Variants in PARD3B observed in about 807,000 individuals in gnomAD.
PARD3B encodes par-3 family cell polarity regulator beta, also known as partitioning defective 3 homolog B.
PARD3B carries 103 observed loss-of-function variants against 130.2 expected under a neutral mutation model. That is an observed-to-expected ratio of 0.79 (90% CI 0.67 to 0.93). PARD3B has a LOEUF of 0.93. PARD3B is among the 40% of genes least tolerant of loss of function. The pLI is 0.00. For synonymous variants in PARD3B, 583 were observed against 553.2 expected (o/e 1.05, Z -0.76); for missense variants, 1,609 against 1,499.2 (o/e 1.07, Z -1.21).
intron 19 of PARD3B, among the ~76,000 whole-genome samples, chr2:205,439,507 C>T (rs1339143251): frequency 6.6e-6 from 1 of 152,308 alleles, no homozygotes; most frequent in East Asian, 1.9e-4. Flanking sequence ...TTTAGTAGAG[C>T]TGATTTAACA....
intron 2 of PARD3B, among the ~76,000 whole-genome samples, chr2:204,766,807 CA>C (rs57504030): frequency 0.59 from 84,121 of 141,716 alleles, 27,259 homozygotes; most frequent in South Asian, 0.73. Context: ...TTTTGTAAAT[CA>C]AAAAAAAAAA....
Position 204,686,273 on chromosome 2 carries a change from T to C in PARD3B, c.213T>C (p.Asp71=). The change falls in exon 2 of 23, where the codon GAT becomes GAC. Residue 71 remains aspartate, a synonymous_variant. Transcript: ENST00000406610. ...ATGTCTTGGCAGATGTTGTTGAAGA[T>C]AAAGACAAGGTAGATAACTCTAAAA... ...PDDVLADVVE[D]KDKLIAVFEE... 1 of 1,606,354 alleles carries C rather than the reference T, an allele frequency of 6.2e-7. No homozygotes were observed. Among genetic ancestry groups the C allele is most frequent in the Non-Finnish European group, 8.5e-7 (1 of 1,173,136 alleles).
chr2:205,235,831 A>C (rs1269040781), intron 15 of PARD3B, among the ~76,000 whole-genome samples: 1 of 152,234 alleles, frequency 6.6e-6, no homozygotes, highest in Non-Finnish European at 1.5e-5. Flanking sequence ...GGGAGGCTTT[A>C]CTGTAAATTC....
chr2:205,580,870 C>T (rs1208842222), intron 22 of PARD3B, among the ~76,000 whole-genome samples: 2 of 152,060 alleles, frequency 1.3e-5, no homozygotes, highest in African/African-American at 4.8e-5. Flanking sequence ...ATTAGAATAG[C>T]CTTCTTTAGA....
rs1553598689 is a variant in PARD3B at position 205,021,619 on chromosome 2, T to TCTCC, written c.395-25961_395-25960insTCCC. ...TTCTCTCTCTCTCTCTCTCTCTCTCTCCCTCTCTCTTTCTCTCTCTCTCTC... is the reference window on the plus strand; with the variant it reads ...TTCTCTCTCTCTCTCTCTCTCTCTCTCTCCCCCTCTCTCTTTCTCTCTCTCTCTC... On this transcript the variant is annotated intron_variant, in intron 3 of 22. Coordinates refer to ENST00000406610, the MANE Select transcript of PARD3B (RefSeq NM_001302769.2). The surrounding 1 kb of genome is among the most constrained non-coding windows in gnomAD (Gnocchi z 4.5). Among the ~76,000 whole-genome samples, 9 of 140,608 alleles carry TCTCC rather than the reference T, an allele frequency of 6.4e-5. No individual in the cohort carries two copies. The highest frequency in any genetic ancestry group is 3.9e-4 in the East Asian group (2 of 5,080). The allele number at this position is 140,608 out of a possible 152,430, so 92.2% of individuals were successfully genotyped here. A position where few individuals can be genotyped will look rare whatever the true frequency, so the allele number is the denominator to read the frequency against.
chr2:205,165,170 G>A (rs980767507), intron 11 of PARD3B, among the ~76,000 whole-genome samples: 12 of 151,858 alleles, frequency 7.9e-5, no homozygotes, highest in African/African-American at 2.9e-4. Context: ...TGGTTTTCTA[G>A]GCCAAAGTAA....
chr2:204,896,567 G>A (rs188215643), intron 2 of PARD3B, among the ~76,000 whole-genome samples: 1 of 152,260 alleles, frequency 6.6e-6, no homozygotes, highest in Admixed American at 6.5e-5. Flanking sequence ...AAATTGAAAA[G>A]GTGTATATGA....
At chr2:205,378,934 T>G (rs1445310952) in intron 18 of PARD3B, among the ~76,000 whole-genome samples, 1 of 151,912 alleles carries the variant, frequency 6.6e-6, no homozygotes, top group Non-Finnish European at 1.5e-5. Context: ...CTGGCCTTTT[T>G]TTTTTCTTTC....
chr2:205,247,741 C>T (rs2039631264), intron 16 of PARD3B, among the ~76,000 whole-genome samples: 1 of 152,096 alleles, frequency 6.6e-6, no homozygotes. Context: ...GCAAAAGTGG[C>T]CTGCAATGAA....
chr2:205,567,481 A>ATTTTTTTTTTTTTTTTTTT (rs61638177), intron 22 of PARD3B, among the ~76,000 whole-genome samples: 1 of 113,518 alleles, frequency 8.8e-6, no homozygotes, highest in Admixed American at 9.5e-5. Context: ...TGCCCGGTTA[A>ATTTTTTTTTTTTTTTTTTT]TTTTTTTTTT....
intron 18 of PARD3B, among the ~76,000 whole-genome samples, chr2:205,399,343 G>GTGTTT (rs2046157348): frequency 6.6e-6 from 1 of 151,306 alleles, no homozygotes; most frequent in South Asian, 2.1e-4. Context: ...TTTTTTGTGT[G>GTGTTT]TGTTTTGTTT....
At chr2:204,635,081 A>G (rs1346013369) in intron 1 of PARD3B, among the ~76,000 whole-genome samples, 1 of 152,116 alleles carries the variant, frequency 6.6e-6, no homozygotes, top group Admixed American at 6.6e-5. Flanking sequence ...TGAATATACC[A>G]TATTTTGGGG....
chr2:205,466,926 T>A (rs1295253262), intron 20 of PARD3B, among the ~76,000 whole-genome samples: 1 of 152,224 alleles, frequency 6.6e-6, no homozygotes, highest in Non-Finnish European at 1.5e-5. Flanking sequence ...TTGGCCAGGC[T>A]GGTCTTTAAC....
intron 1 of PARD3B, among the ~76,000 whole-genome samples, chr2:204,557,414 C>T (rs111417180): frequency 0.023 from 3,542 of 152,226 alleles, 155 homozygotes; most frequent in African/African-American, 0.081. Context: ...CATGTCCAGT[C>T]GCTCAGAAAT....
chr2:205,593,471 G>A (rs1481293566), intron 22 of PARD3B, among the ~76,000 whole-genome samples: 2 of 152,152 alleles, frequency 1.3e-5, no homozygotes, highest in Non-Finnish European at 1.5e-5. Flanking sequence ...CCAAATTTTA[G>A]TTCACTAAAC....
At chr2:205,014,631 A>T (rs1277453983) in intron 3 of PARD3B, among the ~76,000 whole-genome samples, 1 of 152,220 alleles carries the variant, frequency 6.6e-6, no homozygotes, top group African/African-American at 2.4e-5. Flanking sequence ...TTATTCAACA[A>T]GTATTTATTG....
intron 2 of PARD3B, among the ~76,000 whole-genome samples, chr2:204,781,847 A>G (rs1308874635): frequency 1.3e-5 from 2 of 152,114 alleles, no homozygotes; most frequent in Non-Finnish European, 2.9e-5. Flanking sequence ...GTTGAAACAA[A>G]GTGCTTAACC....
chr2:205,479,343 G>A (rs1374913514), intron 20 of PARD3B, among the ~76,000 whole-genome samples: 6 of 152,132 alleles, frequency 3.9e-5, no homozygotes, highest in Non-Finnish European at 8.8e-5. Context: ...CCTAGGTGAG[G>A]GCCCTGTGCC....
intron 1 of PARD3B, among the ~76,000 whole-genome samples, chr2:204,642,964 A>T (rs1431767413): frequency 2.0e-5 from 3 of 151,068 alleles, no homozygotes; most frequent in Non-Finnish European, 4.4e-5. Flanking sequence ...ATACAAAAAA[A>T]TTAGCCAGGC....
Sources: gnomAD v4.1 joint callset for allele counts (sites outside exome capture counted in the v4.1 genomes callset) on GRCh38, gnomAD v4.1.1 for gene constraint, Gnocchi (gnomAD v3.1) non-coding constraint, MANE v1.5 for transcripts, NCBI Gene and HGNC (gene_info 2026-07-23, HGNC 2026-07-21) for gene names.